The following TMEM232 variants were observed in gnomAD, a reference collection of about 807,000 sequenced individuals.
TMEM232 encodes transmembrane protein 232.
TMEM232 carries 80 observed loss-of-function variants against 78.8 expected under a neutral mutation model. That is an observed-to-expected ratio of 1.01 (90% confidence interval 0.85 to 1.22). TMEM232 has a LOEUF of 1.22. Ranked by LOEUF, TMEM232 falls within the 50% of genes most tolerant of loss-of-function variation. TMEM232 has a pLI of 0.00. For synonymous variants in TMEM232, 297 were observed against 254.3 expected (o/e 1.17, Z -1.60); for missense variants, 881 against 742.2 (o/e 1.19, Z -2.17).
At chr5:110,536,995 G>T (rs1772444801) in intron 11 of TMEM232, among the ~76,000 whole-genome samples, 1 of 152,140 alleles carries the variant, frequency 6.6e-6, no homozygotes, top group African/African-American at 2.4e-5. Flanking sequence ...TAACGTCAGA[G>T]ATGTCTGACA....
intron 1 of TMEM232, among the ~76,000 whole-genome samples, chr5:110,719,264 G>A (rs1030699747): frequency 6.6e-6 from 1 of 151,782 alleles, no homozygotes; most frequent in East Asian, 1.9e-4. Context: ...GCATATATAT[G>A]TGCTGTATAT....
intron 1 of TMEM232, among the ~76,000 whole-genome samples, chr5:110,692,661 C>A (rs560881515): frequency 7.9e-5 from 12 of 152,314 alleles, no homozygotes; most frequent in African/African-American, 2.9e-4. Flanking sequence ...ATATCTCACA[C>A]CTGGCGCAGA....
intron 12 of TMEM232, among the ~76,000 whole-genome samples, chr5:110,497,005 C>T (rs1765714905): frequency 6.6e-6 from 1 of 151,896 alleles, no homozygotes. Flanking sequence ...TGGTGATTTA[C>T]TTTCTGACTG....
At chr5:110,450,369 T>G (rs1335037542) in intron 12 of TMEM232, among the ~76,000 whole-genome samples, 1 of 152,174 alleles carries the variant, frequency 6.6e-6, no homozygotes, top group African/African-American at 2.4e-5. Context: ...TTGTTTGTTT[T>G]CTTTTCTTTT....
At chr5:110,527,430 A>G (rs1770760963) in intron 12 of TMEM232, among the ~76,000 whole-genome samples, 1 of 151,972 alleles carries the variant, frequency 6.6e-6, no homozygotes, top group African/African-American at 2.4e-5. Context: ...AATAAATAAT[A>G]AATACATAAG....
chr5:110,404,831 C>G (rs890721634), intron 2 of TMEM232, among the ~76,000 whole-genome samples: 47 of 152,010 alleles, frequency 3.1e-4, no homozygotes, highest in Admixed American at 1.1e-3. Flanking sequence ...GGTCTGGATA[C>G]GAGTGGGTGG....
At chr5:110,457,435 T>C (rs1041374185) in intron 12 of TMEM232, among the ~76,000 whole-genome samples, 16 of 152,112 alleles carry the variant, frequency 1.1e-4, no homozygotes, top group Non-Finnish European at 1.9e-4. Context: ...TACAGCAACT[T>C]TAGAAAACAG....
chr5:110,690,578 G>C (rs138984128), intron 1 of TMEM232, among the ~76,000 whole-genome samples: 6,694 of 152,218 alleles, frequency 0.044, 214 homozygotes, highest in Middle Eastern at 0.071. Flanking sequence ...ATTCCTCAAT[G>C]ATCTAGAACC....
At chr5:110,464,719 A>G (rs139202435) in intron 12 of TMEM232, among the ~76,000 whole-genome samples, 11 of 152,356 alleles carry the variant, frequency 7.2e-5, no homozygotes, top group African/African-American at 2.6e-4. Context: ...CATTTTGAAC[A>G]AAAGAGATAA....
At chr5:110,641,359 G>A (rs931119019) in intron 3 of TMEM232, among the ~76,000 whole-genome samples, 2 of 152,098 alleles carry the variant, frequency 1.3e-5, no homozygotes, top group Non-Finnish European at 2.9e-5. Flanking sequence ...AAGTGAGTTT[G>A]ATGCCAGTTT....
chr5:110,467,411 G>A (rs966681228), intron 12 of TMEM232, among the ~76,000 whole-genome samples: 1 of 152,192 alleles, frequency 6.6e-6, no homozygotes, highest in African/African-American at 2.4e-5. Flanking sequence ...AATAACGGAT[G>A]AGTTTCAAAA....
At chr5:110,632,517 T>C (rs1785263199) in intron 5 of TMEM232, among the ~76,000 whole-genome samples, 1 of 151,802 alleles carries the variant, frequency 6.6e-6, no homozygotes, top group African/African-American at 2.4e-5. Flanking sequence ...AAAAAAACAA[T>C]TTAAGATATG....
intron 12 of TMEM232, among the ~76,000 whole-genome samples, chr5:110,525,741 C>T (rs1367966433): frequency 1.3e-5 from 2 of 151,314 alleles, no homozygotes; most frequent in Non-Finnish European, 3.0e-5. Context: ...TTGAAAAGCA[C>T]TGGCAATATA....
intron 10 of TMEM232, among the ~76,000 whole-genome samples, chr5:110,574,968 G>T (rs1777405870): frequency 6.6e-6 from 1 of 152,004 alleles, no homozygotes; most frequent in African/African-American, 2.4e-5. Context: ...AGGGAGGGTG[G>T]TTCTGGAGAC....
At chr5:110,505,937 GA>G (rs1018860780) in intron 12 of TMEM232, among the ~76,000 whole-genome samples, 6 of 152,208 alleles carry the variant, frequency 3.9e-5, no homozygotes, top group African/African-American at 1.4e-4. Flanking sequence ...AAGGAAGTAT[GA>G]AAAGTGAAGG....
downstream of TMEM232, chr5:110,417,672 C>T (rs1175613645): frequency 7.5e-6 from 1 of 132,812 alleles, no homozygotes; most frequent in Non-Finnish European, 1.5e-5. Context: ...GAAAACAAGG[C>T]CAAAGATGCA....
At chr5:110,534,858 C>T (rs1474359033) in intron 11 of TMEM232, among the ~76,000 whole-genome samples, 5 of 152,132 alleles carry the variant, frequency 3.3e-5, no homozygotes, top group Admixed American at 3.3e-4. Flanking sequence ...TCAATTCATA[C>T]AAAACCATAT....
intron 5 of TMEM232, among the ~76,000 whole-genome samples, chr5:110,630,491 G>A (rs921509542): frequency 2.6e-5 from 4 of 152,138 alleles, no homozygotes; most frequent in Admixed American, 6.5e-5. Context: ...ACTGGATCAC[G>A]GAGGTGGACT....
chr5:110,454,598 G>A (rs941438585), intron 12 of TMEM232, among the ~76,000 whole-genome samples: 1 of 148,112 alleles, frequency 6.8e-6, no homozygotes, highest in Non-Finnish European at 1.5e-5. Context: ...GGAAATCACA[G>A]GAAATCACAT....
Sources: gnomAD v4.1 joint callset for allele counts (sites outside exome capture counted in the v4.1 genomes callset) on GRCh38, gnomAD v4.1.1 for gene constraint, MANE v1.5 for transcripts, NCBI Gene and HGNC (gene_info 2026-07-23, HGNC 2026-07-21) for gene names.